Variants in SH3RF2 observed in about 807,000 individuals in gnomAD.
SH3RF2 encodes the protein SH3 domain containing ring finger 2.
SH3RF2 carries 43 observed loss-of-function variants against 59.0 expected under a neutral mutation model. That is an observed-to-expected ratio of 0.73 (90% CI 0.57 to 0.94). The LOEUF (loss-of-function observed/expected upper bound fraction) is 0.94, where lower values mean the gene tolerates loss of function less well. Ranked by LOEUF, SH3RF2 falls within the 40% of genes least tolerant of loss-of-function variation. The probability of loss-of-function intolerance (pLI) is 0.00; values close to 1 mark genes in which losing one functional copy is unlikely to be tolerated. For synonymous variants in SH3RF2, 391 were observed against 391.5 expected, an observed-to-expected ratio of 1.00 and a Z score of 0.01; for missense variants, 930 against 940.1, an observed-to-expected ratio of 0.99 and a Z score of 0.14.
intron 9 of SH3RF2, among the ~76,000 whole-genome samples, chr5:146,068,952 C>G (rs1763169281): frequency 6.6e-6 from 1 of 152,186 alleles, no homozygotes; most frequent in Non-Finnish European, 1.5e-5. Context: ...CCACTGAAGT[C>G]CACTGTGTGC....
chr5:146,025,486 A>G (rs1202010831), intron 5 of SH3RF2, among the ~76,000 whole-genome samples: 1 of 152,242 alleles, frequency 6.6e-6, no homozygotes, highest in Non-Finnish European at 1.5e-5. Context: ...AAGAGGCCCA[A>G]GTTTGTTCAG....
At chr5:145,945,195 A>G (rs1474299624) in intron 2 of SH3RF2, among the ~76,000 whole-genome samples, 1 of 152,224 alleles carries the variant, frequency 6.6e-6, no homozygotes, top group Non-Finnish European at 1.5e-5. Flanking sequence ...TGTAGGATGC[A>G]TCCAATTTTA....
chr5:146,070,464 A>G (rs1320651445), intron 9 of SH3RF2, among the ~76,000 whole-genome samples: 1 of 152,214 alleles, frequency 6.6e-6, no homozygotes, highest in African/African-American at 2.4e-5. Flanking sequence ...CCCCTGCTCC[A>G]AAAGTTGCCA....
intron 9 of SH3RF2, among the ~76,000 whole-genome samples, chr5:146,075,351 A>T (rs564038215): frequency 2.0e-5 from 3 of 152,364 alleles, no homozygotes; most frequent in African/African-American, 7.2e-5. Flanking sequence ...CCACAAACAG[A>T]TAAAATAAAT....
At chr5:145,948,520 CT>C (rs1453524061) in intron 2 of SH3RF2, among the ~76,000 whole-genome samples, 2 of 152,234 alleles carry the variant, frequency 1.3e-5, no homozygotes, top group African/African-American at 4.8e-5. Context: ...CACTGTCACC[CT>C]TTCCTGAAAG....
At chr5:146,044,642 C>T (rs1762243852) in intron 5 of SH3RF2, among the ~76,000 whole-genome samples, 2 of 152,010 alleles carry the variant, frequency 1.3e-5, no homozygotes, top group African/African-American at 2.4e-5. Flanking sequence ...TTATCTCCCT[C>T]TCTTCTCCTT....
At chr5:146,059,768 G>T (rs1580938740) in intron 8 of SH3RF2, 98 bp from the exon 9 acceptor site, 1 of 823,660 alleles carries the variant, frequency 1.2e-6, no homozygotes, top group East Asian at 2.9e-5. Context: ...GAAAGCGCTT[G>T]TCTATTCTGG....
chr5:146,024,896 T>G (rs1761472682), intron 5 of SH3RF2, among the ~76,000 whole-genome samples: 1 of 152,238 alleles, frequency 6.6e-6, no homozygotes, highest in African/African-American at 2.4e-5. Flanking sequence ...AATGCCTAAC[T>G]GCCTCCCTTT....
chr5:145,986,124 G>A (rs1054282757), intron 2 of SH3RF2, among the ~76,000 whole-genome samples: 5 of 152,168 alleles, frequency 3.3e-5, no homozygotes, highest in African/African-American at 1.2e-4. Context: ...GGCCCAGAGA[G>A]GTTCAGTACC....
In SH3RF2 at chr5:146,049,197, CCGGGCGAGTCGG is replaced by C. The variant is rs1425384333; in HGVS notation, c.1276_1287del (p.Gly426_Gly429del). The C allele has an allele frequency of 1.9e-6, 3 of 1,613,768 alleles. No homozygotes were observed. In the Admixed American group the frequency reaches 5.0e-5, roughly 27 times the overall value. ...TGGCTCAGGGGCGTCTCCTTGGTCA[CCGGGCGAGTCGG>C]CATCTTCCCAAACAATTACGTCATC... is the stretch of plus-strand genomic sequence containing the variant. On this transcript the variant is annotated inframe_deletion, in exon 7 of 10. Coordinates refer to ENST00000359120, the MANE Select transcript of SH3RF2 (RefSeq NM_152550.4).
At chr5:145,984,965 G>A (rs1213522539) in intron 2 of SH3RF2, among the ~76,000 whole-genome samples, 2 of 152,094 alleles carry the variant, frequency 1.3e-5, no homozygotes, top group African/African-American at 4.8e-5. Context: ...AGACCAGCCT[G>A]GGCAACATAG....
chr5:146,015,057 CT>C lies in SH3RF2; in HGVS notation c.1059+1004del, dbSNP rs1376433909. Among the ~76,000 whole-genome samples, 7 of 151,928 alleles carry C rather than the reference CT, an allele frequency of 4.6e-5. No individual in the cohort carries two copies. The East Asian group carries it at 1.2e-3, about 25-fold the overall frequency. ...CTCAACTTGTGCTGATGTGTTTTTT[CT>C]TTTTTTTAAGGAGCTGTAAATTTTG... On this transcript the variant is annotated intron_variant, in intron 5 of 9. Coordinates refer to ENST00000359120, the MANE Select transcript of SH3RF2 (RefSeq NM_152550.4).
At chr5:145,985,475 A>G (rs762091586) in intron 2 of SH3RF2, among the ~76,000 whole-genome samples, 8 of 152,184 alleles carry the variant, frequency 5.3e-5, no homozygotes, top group South Asian at 4.1e-4. Flanking sequence ...TCCTCACACG[A>G]CAGCCTATCA....
chr5:145,956,534 C>G (rs553517632), intron 2 of SH3RF2, among the ~76,000 whole-genome samples: 3 of 152,192 alleles, frequency 2.0e-5, no homozygotes, highest in East Asian at 1.9e-4. Context: ...CCTCAGCCCC[C>G]CAAAGTGCTG....
chr5:145,992,899 C>T (rs2149978094), intron 2 of SH3RF2, among the ~76,000 whole-genome samples: 1 of 152,240 alleles, frequency 6.6e-6, no homozygotes, highest in East Asian at 1.9e-4. Context: ...TCACAACAGT[C>T]CCCCAAAGTC....
intron 2 of SH3RF2, among the ~76,000 whole-genome samples, chr5:145,970,007 C>T (rs1007890289): frequency 6.6e-6 from 1 of 152,064 alleles, no homozygotes; most frequent in Non-Finnish European, 1.5e-5. Context: ...GATTCGGGTG[C>T]AAAATAAACC....
At chr5:145,974,942 A>G (rs1759230776) in intron 2 of SH3RF2, among the ~76,000 whole-genome samples, 1 of 152,230 alleles carries the variant, frequency 6.6e-6, no homozygotes. Context: ...TTAAAAAAAT[A>G]GAATCTAGAA....
chr5:145,981,729 T>C (rs181859000), intron 2 of SH3RF2, among the ~76,000 whole-genome samples: 2 of 152,168 alleles, frequency 1.3e-5, no homozygotes, highest in African/African-American at 4.8e-5. Context: ...ATTTAAATAA[T>C]TAAAAGTAAA....
At chr5:146,013,341 C>T (rs1045156996) in intron 4 of SH3RF2, among the ~76,000 whole-genome samples, 2 of 152,028 alleles carry the variant, frequency 1.3e-5, no homozygotes, top group Non-Finnish European at 2.9e-5. Context: ...CTGGGAGCAC[C>T]AGGAAGGACA....
Sources: allele counts gnomAD v4.1 joint callset (sites outside exome capture counted in the v4.1 genomes callset), GRCh38; gene constraint gnomAD v4.1.1; transcripts MANE v1.5; gene names NCBI Gene and HGNC (gene_info 2026-07-23, HGNC 2026-07-21).